EML1: variants seen among roughly 807,000 people sequenced by gnomAD.
The protein encoded by EML1 is EMAP like 1.
A neutral mutation model predicts 110.4 loss-of-function variants in EML1; 27 were observed. The ratio of observed to expected loss-of-function variants is 0.24; its 90% CI spans 0.18 to 0.34. EML1 has a LOEUF of 0.34. EML1 is among the 10% of genes least tolerant of loss of function. The pLI is 1.00. For missense variants in EML1, 741 were observed against 1,030.9 expected (o/e 0.72, Z 3.85); for synonymous variants, 344 against 385.8 (o/e 0.89, Z 1.27).
chr14:99,905,268 G>A lies in EML1; in HGVS notation c.1009-2370G>A, dbSNP rs1048345854. On this transcript the variant is annotated intron_variant, in intron 9 of 21. Coordinates refer to ENST00000262233, the MANE Select transcript of EML1 (RefSeq NM_004434.3). This position sits in a 1 kb window ranked among gnomAD's most constrained non-coding sequence, Gnocchi z 4.1. ...ACATAGATATTAGCCATTCAGCTCA[G>A]CACCCAGCACCCAAAATCAAACTGG... 1.3e-5 allele frequency among the ~76,000 whole-genome samples: 2 copies of A among 152,196 alleles called. No homozygotes were observed. Among genetic ancestry groups the A allele is most frequent in the African/African-American group, 4.8e-5 (2 of 41,444 alleles).
chr14:99,907,767 C>T, intron 10 of EML1, 34 bp downstream of exon 10: 1 of 1,607,518 alleles, frequency 6.2e-7, no homozygotes, highest in Non-Finnish European at 8.5e-7. Flanking sequence ...GCTGCATTAA[C>T]ATTTTCCCAT....
At chr14:99,806,407 C>A (rs1189560210) in intron 1 of EML1, among the ~76,000 whole-genome samples, 1 of 150,966 alleles carries the variant, frequency 6.6e-6, no homozygotes, top group Non-Finnish European at 1.5e-5. Context: ...ACCTCTGCCT[C>A]CCGGGTTCAA....
chr14:99,769,861 C>T (rs1289106730), upstream of EML1, among the ~76,000 whole-genome samples: 1 of 152,174 alleles, frequency 6.6e-6, no homozygotes, highest in Non-Finnish European at 1.5e-5. Context: ...CTCTTTCCTC[C>T]TTTTCTTGGG....
chr14:99,938,688 G>T (rs185309533), intron 20 of EML1, among the ~76,000 whole-genome samples: 178 of 152,348 alleles, frequency 1.2e-3, no homozygotes, highest in African/African-American at 4.2e-3. Flanking sequence ...GTAATGATGG[G>T]CACAGCTGCC....
intron 1 of EML1, among the ~76,000 whole-genome samples, chr14:99,795,587 A>C (rs1172901918): frequency 1.3e-5 from 2 of 152,250 alleles, no homozygotes; most frequent in African/African-American, 2.4e-5. Flanking sequence ...AGAGGCTTTC[A>C]TTAAGTGAAG....
intron 1 of EML1, among the ~76,000 whole-genome samples, chr14:99,825,038 C>T (rs1398558369): frequency 6.6e-6 from 1 of 152,124 alleles, no homozygotes; most frequent in Non-Finnish European, 1.5e-5. Flanking sequence ...GGCTGGAGTG[C>T]AGTGGCACAG....
intron 17 of EML1, among the ~76,000 whole-genome samples, chr14:99,923,909 C>T (rs980188356): frequency 6.6e-6 from 1 of 152,192 alleles, no homozygotes; most frequent in Non-Finnish European, 1.5e-5. Flanking sequence ...TCACTTCGGC[C>T]TCCCAAAGTG....
intron 2 of EML1, among the ~76,000 whole-genome samples, chr14:99,855,443 T>C (rs920696589): frequency 6.6e-6 from 1 of 152,198 alleles, no homozygotes; most frequent in African/African-American, 2.4e-5. Flanking sequence ...CACATGTGTT[T>C]TCAAGAAGAC....
intron 17 of EML1, among the ~76,000 whole-genome samples, chr14:99,926,002 C>T (rs1420355571): frequency 6.6e-6 from 1 of 152,190 alleles, no homozygotes; most frequent in Non-Finnish European, 1.5e-5. Flanking sequence ...GCCTGTTCTT[C>T]CCTGCCAGGA....
chr14:99,786,285 AGGGAGGAAAT>A (rs1439021559), intron 1 of EML1, among the ~76,000 whole-genome samples: 6 of 152,154 alleles, frequency 3.9e-5, no homozygotes, highest in African/African-American at 1.4e-4. Context: ...CATGATGGGC[AGGGAGGAAAT>A]GGAGAATGTT....
At chr14:99,778,013 C>T (rs936391676) in intron 1 of EML1, among the ~76,000 whole-genome samples, 1 of 152,026 alleles carries the variant, frequency 6.6e-6, no homozygotes, top group African/African-American at 2.4e-5. Context: ...AGGCTGGTCT[C>T]GAACTCCTGG....
upstream of EML1, chr14:99,793,249 GCCCCGCGGCCGCCGAGGCCGCCC>G: frequency 1.2e-6 from 1 of 811,274 alleles, no homozygotes; most frequent in Non-Finnish European, 1.5e-6. Context: ...CCCGGCCCGG[GCCCCGCGGCCGCCGAGGCCGCCC>G]CCTCGCGGGC....
At chr14:99,884,230 C>T (rs1267401668) in intron 4 of EML1, among the ~76,000 whole-genome samples, 2 of 152,190 alleles carry the variant, frequency 1.3e-5, no homozygotes, top group Non-Finnish European at 2.9e-5. Context: ...TGTGTCCCTC[C>T]CACTCCCCTG....
intron 2 of EML1, among the ~76,000 whole-genome samples, chr14:99,861,316 C>T (rs935795386): frequency 2.0e-5 from 3 of 152,150 alleles, no homozygotes; most frequent in Non-Finnish European, 4.4e-5. Flanking sequence ...TGGAGGAGGC[C>T]CCACTTTCTT....
chr14:99,876,410 T>G (rs1448810762), intron 3 of EML1, among the ~76,000 whole-genome samples: 1 of 152,052 alleles, frequency 6.6e-6, no homozygotes, highest in Admixed American at 6.5e-5. Context: ...GCTCACCCCC[T>G]CCTCTGTGCA....
At chr14:99,891,034 G>A (rs1187121974) in intron 4 of EML1, among the ~76,000 whole-genome samples, 165 bp from the exon 5 acceptor site, 2 of 152,190 alleles carry the variant, frequency 1.3e-5, no homozygotes, top group Admixed American at 6.5e-5. Flanking sequence ...TTGTTTATGT[G>A]TGTTCCTTTT....
intron 1 of EML1, among the ~76,000 whole-genome samples, chr14:99,804,381 C>A (rs537549345): frequency 4.3e-4 from 66 of 152,256 alleles, no homozygotes; most frequent in African/African-American, 1.5e-3. Context: ...AGGTGTTGGG[C>A]TGAGCATTTT....
At chr14:99,853,027 A>G (rs1253006630) in intron 2 of EML1, among the ~76,000 whole-genome samples, 1 of 152,224 alleles carries the variant, frequency 6.6e-6, no homozygotes, top group Non-Finnish European at 1.5e-5. Flanking sequence ...TGTTTTATAT[A>G]AATCTTCAGA....
chr14:99,881,638 G>A (rs1317406296), intron 4 of EML1, among the ~76,000 whole-genome samples: 1 of 140,638 alleles, frequency 7.1e-6, no homozygotes, highest in African/African-American at 2.7e-5. Flanking sequence ...GTCTCGCTCT[G>A]TCACCAGGCT....
Sources: gnomAD v4.1 joint callset for allele counts (sites outside exome capture counted in the v4.1 genomes callset) on GRCh38, gnomAD v4.1.1 for gene constraint, Gnocchi (gnomAD v3.1) non-coding constraint, MANE v1.5 for transcripts, NCBI Gene and HGNC (gene_info 2026-07-23, HGNC 2026-07-21) for gene names.